The following TBC1D10B variants were observed in gnomAD, a reference collection of about 807,000 sequenced individuals.
TBC1D10B encodes TBC1 domain family member 10B, also known as Rab27A-GAPbeta.
In TBC1D10B, 25 loss-of-function variants were observed where a neutral mutation model predicts 78.4. That is an observed-to-expected ratio of 0.32 (90% CI 0.23 to 0.45). The LOEUF (loss-of-function observed/expected upper bound fraction) is 0.45, where lower values mean the gene tolerates loss of function less well. TBC1D10B is among the 20% of genes least tolerant of loss of function. The pLI is 1.00. For missense variants in TBC1D10B, 996 were observed against 1,104.8 expected (o/e 0.90, Z 1.40); for synonymous variants, 517 against 478.0 (o/e 1.08, Z -1.06).
chr16:30,358,109 C>T lies in TBC1D10B; in HGVS notation c.2262G>A (p.Glu754=), dbSNP rs562054711. Reference sequence around the variant, plus strand: ...GCTTCTCTCGCTCCTTTTCCTGCTTCTCTCGCTCTTTCTCCTGCTTCTGCC... The same window carrying T: ...GCTTCTCTCGCTCCTTTTCCTGCTTTTCTCGCTCTTTCTCCTGCTTCTGCC... ...KERQKQEKER[E]KQEKEREKQE... Residue 754 remains glutamate, a synonymous_variant, in exon 9 of 9, where the codon GAG becomes GAA. Transcript: ENST00000409939. The T allele has an allele frequency of 2.1e-5, 32 of 1,551,592 alleles. No individual in the cohort carries two copies. In the East Asian group the frequency reaches 7.3e-4, roughly 36 times the overall value.
rs1050923785 is a variant in TBC1D10B at position 30,359,284 on chromosome 16, C to T, written c.1530G>A (p.Arg510=). ...AGAGCACAGGGTCAATGCGCTGCCG[C>T]CGCAGGTGGCGATGCGCCAGCGGGG... The part of the protein sequence containing the change: ...RASPLAHRHL[R]RQRIDPVLYM... The change falls in exon 7 of 9, where the codon CGG becomes CGA. Residue 510 remains arginine (R), a synonymous_variant. Coordinates refer to ENST00000409939, the MANE Select transcript of TBC1D10B (RefSeq NM_015527.4). 2 of 1,607,770 alleles carry T rather than the reference C, an allele frequency of 1.2e-6. No homozygotes were observed. The highest frequency in any genetic ancestry group is 1.7e-6 in the Non-Finnish European group (2 of 1,177,186).
In TBC1D10B at chr16:30,359,996, C is replaced by T. The variant is rs2049589250; in HGVS notation, c.1272-155G>A. On this transcript the variant is annotated intron_variant, in intron 4 of 8. Transcript: ENST00000409939. ...CTTCAGCTAAAGGCTCAGCCCACAG[C>T]AGAGCACTCCAGGCCCCGGGGCTCC... The T allele has an allele frequency of 7.4e-6, 5 of 671,942 alleles. No homozygotes were observed. The South Asian group carries it at 7.7e-5, about 10-fold the overall frequency. 41.6% of individuals were successfully genotyped at this position (671,942 alleles called of 1,614,324 possible).
At chr16:30,364,383 G>C (rs1297532434) in intron 4 of TBC1D10B, among the ~76,000 whole-genome samples, 1 of 151,974 alleles carries the variant, frequency 6.6e-6, no homozygotes, top group African/African-American at 2.4e-5. Context: ...AGAGGTTGCA[G>C]TGGGCTGAGA....
Position 30,359,787 on chromosome 16 carries a change from C to T in TBC1D10B, c.1326G>A (p.Glu442=). Residue 442 remains glutamate (E), a synonymous_variant, in exon 5 of 9, where the codon GAG becomes GAA. Transcript: ENST00000409939. ...CGGGGGCCTGGGCCTGGCAGTAACC[C>T]TCGTCAGGCCGGTAGATGGTGTAGG... is the stretch of plus-strand genomic sequence containing the variant. ...LKAYTIYRPD[E]GYCQAQAPVA... The T allele has an allele frequency of 6.3e-7, 1 of 1,586,056 alleles. No homozygotes were observed. The highest frequency in any genetic ancestry group is 8.6e-7 in the Non-Finnish European group (1 of 1,165,970).
rs1021636037 is a variant in TBC1D10B, at chr16:30,358,012, C to T, written c.2359G>A (p.Gly787Arg). Residue 787 changes from glycine (G) to arginine (R), a missense_variant, in exon 9 of 9, where the codon GGG (glycine) becomes AGG (arginine). Physicochemically the swap from Gly to Arg is moderately radical, Grantham distance 125. Around this residue, in one of 5 missense-constraint regions of TBC1D10B, gnomAD observed 285 missense variants for 252.5 expected, o/e 1.13. Transcript: ENST00000409939. ...RKLSLRRKADGPPGPHDGGDR... is the reference protein window; with the variant it reads ...RKLSLRRKADRPPGPHDGGDR... ...CCACCATCATGGGGGCCTGGGGGCC[C>T]ATCTGCCTTTCGACGCAGCGAAAGC... is the stretch of plus-strand genomic sequence containing the variant. 1 of 1,551,824 alleles carries T rather than the reference C, an allele frequency of 6.4e-7. No individual in the cohort carries two copies. The highest frequency in any genetic ancestry group is 8.7e-7 in the Non-Finnish European group (1 of 1,147,010).
chr16:30,359,968 G>A (rs532858067), intron 4 of TBC1D10B, 127 bp from the exon 5 acceptor site: 17 of 865,310 alleles, frequency 2.0e-5, no homozygotes, highest in African/African-American at 1.0e-4. Context: ...CCTGCTGAGC[G>A]AGCTTCAGCT....
In TBC1D10B at chr16:30,358,414, G is replaced by A. The variant is rs1180974142; in HGVS notation, c.1957C>T (p.Leu653=). 1.3e-6 allele frequency: 2 copies of A among 1,577,768 alleles called. No individual in the cohort carries two copies. The highest frequency in any genetic ancestry group is 1.7e-6 in the Non-Finnish European group (2 of 1,162,450). ...HEERRRQQPP[L]GPSSSLLSLP... ...CTGAGGAGGCTGGAGGAGGGGCCCAGGGGTGGCTGTTGCCGCCGGCGCTCC... is the reference window on the plus strand; with the variant it reads ...CTGAGGAGGCTGGAGGAGGGGCCCAAGGGTGGCTGTTGCCGCCGGCGCTCC... Residue 653 remains leucine, a synonymous_variant, in exon 9 of 9, where the codon CTG becomes TTG. Transcript: ENST00000409939.
rs141294033 is a variant in TBC1D10B, at chr16:30,369,361, G to A, written c.823C>T (p.Leu275Phe). 1.9e-6 allele frequency: 3 copies of A among 1,597,040 alleles called. No individual in the cohort carries two copies. Among genetic ancestry groups the A allele is most frequent in the East Asian group, 2.3e-5 (1 of 43,914 alleles). The change falls in exon 1 of 9, where the codon CTC (leucine) becomes TTC (phenylalanine). Residue 275 changes from leucine (L) to phenylalanine (F), a missense_variant. By Grantham distance (22) the Leu-to-Phe change is conservative (BLOSUM62 0). Around this residue, in one of 5 missense-constraint regions of TBC1D10B, gnomAD observed 448 missense variants for 442.1 expected, o/e 1.01. Coordinates refer to ENST00000409939, the MANE Select transcript of TBC1D10B (RefSeq NM_015527.4). This position sits in a 1 kb window ranked among gnomAD's most constrained non-coding sequence, Gnocchi z 4.3. Reference sequence around the variant, plus strand: ...AAGGACTCCAAGGTCCCAGACATGAGGCTCACGGAGTCCAAGTAACTCAGC... The same window carrying A: ...AAGGACTCCAAGGTCCCAGACATGAAGCTCACGGAGTCCAAGTAACTCAGC... ...DTLSYLDSVS[L>F]MSGTLESLAD...
At chr16:30,366,828 C>T (rs1311724104) in intron 1 of TBC1D10B, 2 of 152,190 alleles carry the variant, frequency 1.3e-5, no homozygotes, top group African/African-American at 4.8e-5. Context: ...AATTTCAGTT[C>T]TGTCTCTGAG....
Position 30,358,258 on chromosome 16 carries a change from G to A in TBC1D10B, c.2113C>T (p.Leu705Phe), listed in dbSNP as rs749456597. ...VVTAEGLHPS[L>F]PSPTGNSTPL... ...GTGCTATTGCCAGTGGGTGAGGGAA[G>A]GGATGGATGCAGTCCCTCAGCAGTG... The change falls in exon 9 of 9, where the codon CTT becomes TTT. Residue 705 changes from leucine to phenylalanine, a missense_variant. Transcript: ENST00000409939. 53 of 1,574,902 alleles carry A rather than the reference G, an allele frequency of 3.4e-5. No homozygotes were observed. Among genetic ancestry groups the A allele is most frequent in the Non-Finnish European group, 4.4e-5 (51 of 1,160,328 alleles).
intron 4 of TBC1D10B, among the ~76,000 whole-genome samples, chr16:30,361,907 C>T (rs1281692821): frequency 2.6e-5 from 4 of 151,110 alleles, no homozygotes; most frequent in South Asian, 2.1e-4. Flanking sequence ...AGTGCAGTGG[C>T]GCGATCTCGG....
In TBC1D10B at chr16:30,359,929, C is replaced by T. The variant is rs779903923; in HGVS notation, c.1272-88G>A. The stretch of plus-strand genomic sequence containing the variant: ...GTTCCAGATTCGTCCCAGAGTTTAT[C>T]ACCAGGCTCCTCCATCCACCTGCCC... On this transcript the variant is annotated intron_variant, in intron 4 of 8. Transcript: ENST00000409939. The T allele has an allele frequency of 8.4e-4, 1,007 of 1,199,492 alleles. 2 individuals are homozygous for T. Among genetic ancestry groups the T allele is most frequent in the Non-Finnish European group, 1.1e-3 (900 of 851,374 alleles). The allele number at this position is 1,199,492 out of a possible 1,614,324, so 74.3% of individuals were successfully genotyped here. A position where few individuals can be genotyped will look rare whatever the true frequency, so the allele number is the denominator to read the frequency against.
In TBC1D10B at chr16:30,369,574, CTGATGT is replaced by C. The variant is rs2049667681; in HGVS notation, c.604_609del (p.Thr202_Ser203del). 1.3e-6 allele frequency: 2 copies of C among 1,532,700 alleles called. No individual in the cohort carries two copies. Among genetic ancestry groups the C allele is most frequent in the Non-Finnish European group, 1.8e-6 (2 of 1,136,660 alleles). The allele number at this position is 1,532,700 out of a possible 1,614,324, so 94.9% of individuals were successfully genotyped here. A position where few individuals can be genotyped will look rare whatever the true frequency, so the allele number is the denominator to read the frequency against. On this transcript the variant is annotated inframe_deletion, in exon 1 of 9. Transcript: ENST00000409939. The surrounding 1 kb of genome is among the most constrained non-coding windows in gnomAD (Gnocchi z 4.3). ...TCCTCAGGAGCCTGTCCTGCTGATG[CTGATGT>C]TGCTGCGGCAGCTCCATGCCCACCT...
In TBC1D10B at chr16:30,369,942, G is replaced by T. The variant is rs1001773677; in HGVS notation, c.242C>A (p.Ala81Asp). The T allele has an allele frequency of 8.2e-7, 1 of 1,219,360 alleles. No homozygotes were observed. The highest frequency in any genetic ancestry group is 3.1e-5 in the East Asian group (1 of 32,248). The allele number at this position is 1,219,360 out of a possible 1,614,324, so 75.5% of individuals were successfully genotyped here. A position where few individuals can be genotyped will look rare whatever the true frequency, so the allele number is the denominator to read the frequency against. The part of the protein sequence containing the change: ...APAPAPAPAP[A>D]PAVTGSTVVV... ...CACCGTGCTGCCCGTGACAGCCGGG[G>T]CTGGGGCCGGGGCTGGGGCCGGGGC... The change falls in exon 1 of 9, where the codon GCC becomes GAC. Residue 81 changes from alanine (A) to aspartate (D), a missense_variant. Ala to Asp is a moderately radical substitution (Grantham distance 126). Coordinates refer to ENST00000409939, the MANE Select transcript of TBC1D10B (RefSeq NM_015527.4). This position sits in a 1 kb window ranked among gnomAD's most constrained non-coding sequence, Gnocchi z 4.3.
intron 1 of TBC1D10B, chr16:30,366,065 A>G: frequency 6.1e-6 from 1 of 162,782 alleles, no homozygotes; most frequent in Non-Finnish European, 1.4e-5. Context: ...CATAAAATAA[A>G]ATACCCTAGA....
intron 4 of TBC1D10B, among the ~76,000 whole-genome samples, chr16:30,360,752 G>A (rs116380054): frequency 0.021 from 3,152 of 152,112 alleles, 124 homozygotes; most frequent in African/African-American, 0.072. Flanking sequence ...ACTTCCACAA[G>A]CACCCACACC....
At position 30,370,039 on chromosome 16, in the gene TBC1D10B, G is replaced by C; in HGVS notation, c.145C>G (p.Pro49Ala). ...GPPVTTATSA[P>A]VTLVAPGEAR... ...TCCCCGGGGGCCACCAGGGTGACGGGGGCCGAAGTGGCCGTAGTCACTGGA... is the reference window on the plus strand; with the variant it reads ...TCCCCGGGGGCCACCAGGGTGACGGCGGCCGAAGTGGCCGTAGTCACTGGA... The change falls in exon 1 of 9, where the codon CCC becomes GCC. Residue 49 changes from proline (P) to alanine (A), a missense_variant. By Grantham distance (27) the Pro-to-Ala change is conservative. This residue lies in a region of TBC1D10B where 448 missense variants were observed against 442.1 expected (regional missense o/e 1.01). Transcript: ENST00000409939. 8.1e-7 allele frequency: 1 copy of C among 1,230,292 alleles called. No homozygotes were observed. The highest frequency in any genetic ancestry group is 1.0e-6 in the Non-Finnish European group (1 of 986,758). The allele number at this position is 1,230,292 out of a possible 1,614,324, so 76.2% of individuals were successfully genotyped here.
At position 30,369,435 on chromosome 16, in the gene TBC1D10B, G is replaced by C; in HGVS notation, c.749C>G (p.Ser250Cys). The C allele has an allele frequency of 1.3e-6, 2 of 1,560,314 alleles. No individual in the cohort carries two copies. The highest frequency in any genetic ancestry group is 2.4e-5 in the South Asian group (2 of 84,820). ...CCCAGAGATGCCAGGTCCCAGGCTG[G>C]ACGTGGAGCCCAGGTCTTGAGAGTT... ...AENSQDLGST[S>C]SLGPGISGPR... Residue 250 changes from serine to cysteine, a missense_variant, in exon 1 of 9, where the codon TCC becomes TGC. This residue lies in a region of TBC1D10B where 448 missense variants were observed against 442.1 expected (regional missense o/e 1.01). Coordinates refer to ENST00000409939, the MANE Select transcript of TBC1D10B (RefSeq NM_015527.4). This position sits in a 1 kb window ranked among gnomAD's most constrained non-coding sequence, Gnocchi z 4.3.
At chr16:30,367,282 A>T (rs774379295) in intron 1 of TBC1D10B, 2 of 152,120 alleles carry the variant, frequency 1.3e-5, no homozygotes, top group Non-Finnish European at 2.9e-5. Flanking sequence ...GAAACTGCAT[A>T]TAAACATCTG....
Sources: allele counts gnomAD v4.1 joint callset (sites outside exome capture counted in the v4.1 genomes callset), GRCh38; gene constraint gnomAD v4.1.1; regional missense constraint gnomAD v4.1.1; non-coding constraint Gnocchi (gnomAD v3.1); transcripts MANE v1.5; gene names NCBI Gene and HGNC (gene_info 2026-07-23, HGNC 2026-07-21).